KLF8: variants seen among roughly 807,000 people sequenced by gnomAD.
The protein encoded by KLF8 is Krueppel-like factor 8.
A neutral mutation model predicts 18.2 loss-of-function variants in KLF8; 10 were observed. The observed-to-expected ratio is 0.55, with a 90% CI of 0.34 to 0.93. KLF8 has a LOEUF of 0.93. Among genes scored for constraint, KLF8 ranks in the 40% least tolerant of loss-of-function variants. The pLI is 0.02. For synonymous variants in KLF8, 109 were observed against 97.3 expected, an observed-to-expected ratio of 1.12 and a Z score of -0.71; for missense variants, 264 against 277.9, an observed-to-expected ratio of 0.95 and a Z score of 0.36.
chrX:56,137,406 C>T, the KLF8 span, among the ~76,000 whole-genome samples: 1 of 105,600 alleles, frequency 9.5e-6, no homozygotes, highest in Non-Finnish European at 1.9e-5. Flanking sequence ...ACATATACAC[C>T]ATGGAATACT....
chrX:56,115,607 C>A, the KLF8 span, among the ~76,000 whole-genome samples: 144 of 111,748 alleles, frequency 1.3e-3, no homozygotes, highest in African/African-American at 4.4e-3. Flanking sequence ...GGAGTGCCCT[C>A]AGGCCATGAG....
At chrX:56,084,545 A>C in the KLF8 span, among the ~76,000 whole-genome samples, 1 of 112,373 alleles carries the variant, frequency 8.9e-6, no homozygotes, top group African/African-American at 3.2e-5. Flanking sequence ...ATATAATTTT[A>C]AGAGGCAGAA....
the KLF8 span, among the ~76,000 whole-genome samples, chrX:55,970,327 A>G: frequency 9.0e-6 from 1 of 111,350 alleles, no homozygotes; most frequent in Non-Finnish European, 1.9e-5. Context: ...CAAAAACCAT[A>G]TGATCATCTC....
At chrX:56,127,880 A>G in the KLF8 span, among the ~76,000 whole-genome samples, 2 of 111,811 alleles carry the variant, frequency 1.8e-5, no homozygotes, top group Admixed American at 9.5e-5. Context: ...AAAAAAACAG[A>G]TAAGGGCCAA....
the KLF8 span, among the ~76,000 whole-genome samples, chrX:56,127,181 T>A: frequency 9.0e-6 from 1 of 111,634 alleles, no homozygotes; most frequent in Non-Finnish European, 1.9e-5. Flanking sequence ...TTCTCTGACA[T>A]ATTATATATT....
rs2066506516 is a variant in KLF8, at chrX:56,238,524, A to G, written c.7+5183A>G. Among the ~76,000 whole-genome samples, 4 of 111,864 alleles carry G rather than the reference A, an allele frequency of 3.6e-5. No homozygotes were observed. In the South Asian group the frequency reaches 1.5e-3, roughly 42 times the overall value. ...TTCCAGTTTCTTTTGACTAATCAGA[A>G]GATACTGAACCAGCATTCTCTCTTG... On this transcript the variant is annotated intron_variant, in intron 1 of 5. Coordinates refer to ENST00000468660, the MANE Select transcript of KLF8 (RefSeq NM_007250.5).
chrX:55,937,152 G>A, the KLF8 span, among the ~76,000 whole-genome samples: 1 of 110,579 alleles, frequency 9.0e-6, no homozygotes, highest in African/African-American at 3.3e-5. Flanking sequence ...ACCTCACACG[G>A]CCGGGTACTC....
the KLF8 span, among the ~76,000 whole-genome samples, chrX:56,039,231 A>T: frequency 9.4e-3 from 1,053 of 111,531 alleles, 4 homozygotes; most frequent in African/African-American, 0.032. Context: ...TCATTTTTGA[A>T]TTTTTGCTTT....
the KLF8 span, among the ~76,000 whole-genome samples, chrX:55,960,362 C>G: frequency 9.0e-6 from 1 of 110,775 alleles, no homozygotes; most frequent in Non-Finnish European, 1.9e-5. Context: ...ACTAAAAATA[C>G]AAAATTAGCC....
chrX:55,992,463 G>A, the KLF8 span, among the ~76,000 whole-genome samples: 1 of 111,854 alleles, frequency 8.9e-6, no homozygotes, highest in South Asian at 3.7e-4. Context: ...CTATGAACCC[G>A]TTTTTGTGCC....
the KLF8 span, among the ~76,000 whole-genome samples, chrX:56,050,690 A>T: frequency 1.8e-5 from 2 of 112,052 alleles, no homozygotes; most frequent in Non-Finnish European, 3.8e-5. Context: ...ACTTCCACCT[A>T]TGTGGTCAAT....
chrX:55,989,418 G>C, the KLF8 span, among the ~76,000 whole-genome samples: 10 of 112,539 alleles, frequency 8.9e-5, no homozygotes, highest in Non-Finnish European at 1.9e-4. Flanking sequence ...ACGAAGGGCT[G>C]TTGAATTCTG....
At chrX:56,175,458 G>A in the KLF8 span, among the ~76,000 whole-genome samples, 1 of 112,001 alleles carries the variant, frequency 8.9e-6, no homozygotes, top group Non-Finnish European at 1.9e-5. Flanking sequence ...TGTGGTCTGA[G>A]AGACAGTTTG....
the KLF8 span, among the ~76,000 whole-genome samples, chrX:56,147,773 G>T: frequency 8.4e-3 from 940 of 112,423 alleles, 10 homozygotes; most frequent in African/African-American, 0.029. Flanking sequence ...GAGGTCAGGA[G>T]TTCGAGACCA....
At chrX:56,146,027 A>G in the KLF8 span, among the ~76,000 whole-genome samples, 2 of 112,511 alleles carry the variant, frequency 1.8e-5, no homozygotes, top group African/African-American at 6.5e-5. Flanking sequence ...ATCTTATGCC[A>G]GTTAGAATGG....
the KLF8 span, among the ~76,000 whole-genome samples, chrX:56,140,797 T>TAAAA: frequency 6.6e-4 from 29 of 43,882 alleles, no homozygotes; most frequent in East Asian, 1.4e-3. Context: ...GCCCCTCCAG[T>TAAAA]AAAAAAAAAA....
chrX:56,187,745 G>A, the KLF8 span, among the ~76,000 whole-genome samples: 2 of 110,959 alleles, frequency 1.8e-5, no homozygotes, highest in Admixed American at 9.6e-5. Context: ...ATGTAATCCA[G>A]CATATAAACA....
the KLF8 span, among the ~76,000 whole-genome samples, chrX:56,036,462 C>G: frequency 9.0e-6 from 1 of 111,721 alleles, no homozygotes; most frequent in East Asian, 2.8e-4. Context: ...ATGTTCTTGG[C>G]ATCTTTGTCA....
chrX:56,062,229 TGTTA>T, the KLF8 span, among the ~76,000 whole-genome samples: 1 of 110,638 alleles, frequency 9.0e-6, no homozygotes, highest in Non-Finnish European at 1.9e-5. Flanking sequence ...TTATTTTGCT[TGTTA>T]GTTGATGCAG....
Sources: allele counts gnomAD v4.1 joint callset (sites outside exome capture counted in the v4.1 genomes callset), GRCh38; gene constraint gnomAD v4.1.1; transcripts MANE v1.5; gene names NCBI Gene and HGNC (gene_info 2026-07-23, HGNC 2026-07-21).